The following GRM7 variants were observed in gnomAD, a reference collection of about 807,000 sequenced individuals.
GRM7 encodes the protein glutamate metabotropic receptor 7.
In GRM7, 35 loss-of-function variants were observed where a neutral mutation model predicts 84.5. The observed-to-expected ratio is 0.41, with a 90% CI of 0.32 to 0.55. The LOEUF (loss-of-function observed/expected upper bound fraction) is 0.55. Among genes scored for constraint, GRM7 ranks in the 20% least tolerant of loss-of-function variants. GRM7 has a pLI of 0.19. For synonymous variants in GRM7, 487 were observed against 455.1 expected (o/e 1.07, Z -0.89); for missense variants, 1,003 against 1,194.6 (o/e 0.84, Z 2.36).
chr3:7,484,446 A>G (rs550453764), intron 7 of GRM7, among the ~76,000 whole-genome samples: 2 of 152,362 alleles, frequency 1.3e-5, no homozygotes, highest in East Asian at 3.9e-4. Context: ...CTGTGAGTAG[A>G]ATATGTGTCA....
chr3:7,305,358 T>TAG (rs1700157583), intron 3 of GRM7, among the ~76,000 whole-genome samples: 1 of 88,538 alleles, frequency 1.1e-5, no homozygotes, highest in Non-Finnish European at 3.1e-5. Flanking sequence ...TTTTTTTTTT[T>TAG]AATTATACTT....
intron 9 of GRM7, among the ~76,000 whole-genome samples, chr3:7,727,456 TTA>T (rs1356012058): frequency 6.6e-6 from 1 of 152,212 alleles, no homozygotes; most frequent in African/African-American, 2.4e-5. Flanking sequence ...TGTTTTAATT[TTA>T]GTTTCTTTGA....
intron 1 of GRM7, among the ~76,000 whole-genome samples, chr3:7,096,480 G>A (rs1574896606): frequency 6.6e-6 from 1 of 152,142 alleles, no homozygotes; most frequent in East Asian, 1.9e-4. Context: ...AGTCTAAGAG[G>A]GATCACAGAG....
chr3:6,914,226 G>T (rs1311847357), intron 1 of GRM7, among the ~76,000 whole-genome samples: 1 of 152,096 alleles, frequency 6.6e-6, no homozygotes, highest in Non-Finnish European at 1.5e-5. Flanking sequence ...TTCATAAGTT[G>T]CTTCAATGAA....
chr3:7,671,650 C>T lies in GRM7; in HGVS notation c.2452-8399C>T, dbSNP rs184416049. ...ATTCTATGACCAGATGCCTGTCCCACGCTATTTGGTGTGTGAGTGTATCTC... is the reference window on the plus strand; with the variant it reads ...ATTCTATGACCAGATGCCTGTCCCATGCTATTTGGTGTGTGAGTGTATCTC... On this transcript the variant is annotated intron_variant, in intron 8 of 9. Transcript: ENST00000357716. Among the ~76,000 whole-genome samples, 246 of 150,894 alleles carry T rather than the reference C, an allele frequency of 1.6e-3. 1 individual carries two copies. The highest frequency in any genetic ancestry group is 2.9e-3 in the Non-Finnish European group (199 of 67,862).
At chr3:7,394,933 G>T (rs1377776958) in intron 4 of GRM7, among the ~76,000 whole-genome samples, 1 of 151,784 alleles carries the variant, frequency 6.6e-6, no homozygotes, top group Non-Finnish European at 1.5e-5. Flanking sequence ...AGCTACTCAG[G>T]AGGCTGAGGC....
At chr3:6,869,949 C>T (rs73124744) in intron 1 of GRM7, among the ~76,000 whole-genome samples, 150 of 152,206 alleles carry the variant, frequency 9.9e-4, no homozygotes, top group African/African-American at 3.4e-3. Flanking sequence ...CTTCCATGTG[C>T]GCTTTTCTAA....
intron 1 of GRM7, among the ~76,000 whole-genome samples, chr3:7,136,696 T>A (rs1391755899): frequency 2.6e-5 from 4 of 152,098 alleles, no homozygotes; most frequent in Non-Finnish European, 5.9e-5. Flanking sequence ...AAGAAATCTG[T>A]TCTCTTAGCT....
intron 1 of GRM7, among the ~76,000 whole-genome samples, chr3:6,986,017 T>C (rs1694396197): frequency 6.6e-6 from 1 of 152,158 alleles, no homozygotes; most frequent in Non-Finnish European, 1.5e-5. Flanking sequence ...CTTTTCCTGG[T>C]GACTAGTGAT....
intron 7 of GRM7, among the ~76,000 whole-genome samples, chr3:7,474,859 A>G (rs141489860): frequency 7.2e-5 from 11 of 152,342 alleles, no homozygotes; most frequent in African/African-American, 2.4e-4. Context: ...ATAGGCAATT[A>G]TATGCCTGCA....
intron 2 of GRM7, among the ~76,000 whole-genome samples, chr3:7,241,391 TTAATA>T (rs1697553079): frequency 6.6e-6 from 1 of 152,166 alleles, no homozygotes; most frequent in South Asian, 2.1e-4. Flanking sequence ...TTCATACATA[TTAATA>T]TAATAGTCAT....
chr3:7,688,165 C>T (rs984562667), intron 9 of GRM7, among the ~76,000 whole-genome samples: 14 of 152,106 alleles, frequency 9.2e-5, no homozygotes, highest in African/African-American at 1.7e-4. Flanking sequence ...TCTAAGTTGA[C>T]GCCTTTGGGT....
At chr3:7,645,045 A>G (rs537492445) in intron 8 of GRM7, among the ~76,000 whole-genome samples, 2 of 152,184 alleles carry the variant, frequency 1.3e-5, no homozygotes, top group South Asian at 4.1e-4. Flanking sequence ...CAGGAGATGG[A>G]AAAGAACTAG....
intron 4 of GRM7, among the ~76,000 whole-genome samples, chr3:7,367,171 G>A (rs903393645): frequency 6.6e-6 from 1 of 151,692 alleles, no homozygotes; most frequent in African/African-American, 2.4e-5. Flanking sequence ...TTCTAGATGG[G>A]AATCCTAAAA....
rs904398407 is a variant in GRM7 at position 7,085,914 on chromosome 3, A to G, written c.520-60538A>G. 5.3e-5 allele frequency among the ~76,000 whole-genome samples: 8 copies of G among 152,194 alleles called. No homozygotes were observed. The East Asian group carries it at 1.3e-3, about 26-fold the overall frequency. On this transcript the variant is annotated intron_variant, in intron 1 of 9. Transcript: ENST00000357716. Reference sequence around the variant, plus strand: ...AGATGAAAATTTGTGAATAGCTCTAAAAACAATTGGTGATGTATAGTTAAT... The same window carrying G: ...AGATGAAAATTTGTGAATAGCTCTAGAAACAATTGGTGATGTATAGTTAAT...
At chr3:7,325,226 T>C (rs1452270064) in intron 4 of GRM7, among the ~76,000 whole-genome samples, 1 of 152,202 alleles carries the variant, frequency 6.6e-6, no homozygotes, top group African/African-American at 2.4e-5. Context: ...GTCACCATGC[T>C]AAGTGAGGTG....
chr3:7,601,907 A>T (rs1696332118), intron 8 of GRM7, among the ~76,000 whole-genome samples: 1 of 152,034 alleles, frequency 6.6e-6, no homozygotes, highest in South Asian at 2.1e-4. Flanking sequence ...CCATGTGTTC[A>T]TTGGATAGGA....
chr3:7,420,732 A>C (rs1696359030), intron 5 of GRM7, among the ~76,000 whole-genome samples: 1 of 152,162 alleles, frequency 6.6e-6, no homozygotes, highest in African/African-American at 2.4e-5. Context: ...AATTATTAAG[A>C]ATCTTTGCTG....
intron 1 of GRM7, among the ~76,000 whole-genome samples, chr3:6,875,664 T>C (rs1003574261): frequency 6.6e-6 from 1 of 152,230 alleles, no homozygotes; most frequent in African/African-American, 2.4e-5. Context: ...TTATCAAGCC[T>C]ACACATTTTT....
Sources: allele counts gnomAD v4.1 joint callset (sites outside exome capture counted in the v4.1 genomes callset), GRCh38; gene constraint gnomAD v4.1.1; transcripts MANE v1.5; gene names NCBI Gene and HGNC (gene_info 2026-07-23, HGNC 2026-07-21).